Variants in SPMIP4 observed in about 807,000 individuals in gnomAD.
SPMIP4 encodes the protein sperm-associated microtubule inner protein 4.
the SPMIP4 span, among the ~76,000 whole-genome samples, chr7:25,175,604 T>C: frequency 5.9e-5 from 9 of 152,172 alleles, no homozygotes; most frequent in Admixed American, 5.9e-4. Context: ...AAAAAGGGTG[T>C]CCCTTTAAGT....
chr7:25,136,286 G>C, the SPMIP4 span: 2 of 1,614,058 alleles, frequency 1.2e-6, no homozygotes, highest in East Asian at 2.2e-5. This position sits in a 1 kb window ranked among gnomAD's most constrained non-coding sequence, Gnocchi z 5.7. Flanking sequence ...AAAACACTAG[G>C]TTTACTAAGG....
the SPMIP4 span, chr7:25,135,763 C>A: frequency 8.1e-7 from 1 of 1,239,986 alleles, no homozygotes; most frequent in South Asian, 3.3e-5. Context: ...ATTTTATTGC[C>A]AAATTGTTAA....
the SPMIP4 span, among the ~76,000 whole-genome samples, chr7:25,155,650 T>C: frequency 6.6e-6 from 1 of 152,202 alleles, no homozygotes; most frequent in Admixed American, 6.5e-5. Context: ...AGGCCATCTG[T>C]TTCTTTAAGC....
chr7:25,169,090 T>C, the SPMIP4 span, among the ~76,000 whole-genome samples: 1 of 152,042 alleles, frequency 6.6e-6, no homozygotes, highest in African/African-American at 2.4e-5. Context: ...AATTCATCGA[T>C]TTAAAGTGTA....
At chr7:25,147,603 C>T in the SPMIP4 span, among the ~76,000 whole-genome samples, 4 of 152,088 alleles carry the variant, frequency 2.6e-5, no homozygotes, top group Non-Finnish European at 4.4e-5. Flanking sequence ...GAGGGAAAAA[C>T]GACATTTAAC....
chr7:25,137,308 T>C, the SPMIP4 span, among the ~76,000 whole-genome samples: 1 of 137,342 alleles, frequency 7.3e-6, no homozygotes, highest in Non-Finnish European at 1.5e-5. Flanking sequence ...TTTCTTTTTT[T>C]TTTTTTTTTT....
At chr7:25,159,277 T>C in the SPMIP4 span, among the ~76,000 whole-genome samples, 1 of 152,204 alleles carries the variant, frequency 6.6e-6, no homozygotes, top group Non-Finnish European at 1.5e-5. Flanking sequence ...TGATCTCTCA[T>C]GATAGTAAAT....
the SPMIP4 span, among the ~76,000 whole-genome samples, chr7:25,170,244 G>C: frequency 6.6e-6 from 1 of 152,150 alleles, no homozygotes; most frequent in Non-Finnish European, 1.5e-5. Flanking sequence ...CATTCTAGTG[G>C]ATGTGAAGTG....
chr7:25,145,700 A>T, the SPMIP4 span, among the ~76,000 whole-genome samples: 1 of 152,248 alleles, frequency 6.6e-6, no homozygotes, highest in Admixed American at 6.5e-5. Flanking sequence ...TTTGGAATAT[A>T]TTCTCAGAGG....
chr7:25,153,894 G>A, the SPMIP4 span, among the ~76,000 whole-genome samples: 4 of 152,342 alleles, frequency 2.6e-5, no homozygotes, highest in African/African-American at 9.6e-5. Flanking sequence ...GAGAGGCAAT[G>A]GGAAAGTTCA....
At chr7:25,161,193 A>G in the SPMIP4 span, 1 of 1,539,860 alleles carries the variant, frequency 6.5e-7, no homozygotes. Context: ...ACTTACAAAG[A>G]ATCATTTCCA....
chr7:25,147,731 A>G, the SPMIP4 span, among the ~76,000 whole-genome samples: 2 of 152,234 alleles, frequency 1.3e-5, no homozygotes, highest in African/African-American at 4.8e-5. Flanking sequence ...AAAGTATTAT[A>G]ACCATTGTAA....
chr7:25,153,702 A>C, the SPMIP4 span, among the ~76,000 whole-genome samples: 809 of 152,392 alleles, frequency 5.3e-3, 4 homozygotes, highest in Non-Finnish European at 9.6e-3. Context: ...TTTACGTAAC[A>C]AAGTCATAAA....
At chr7:25,136,292 T>G in the SPMIP4 span, 1 of 1,614,208 alleles carries the variant, frequency 6.2e-7, no homozygotes, top group Non-Finnish European at 8.5e-7. This position sits in a 1 kb window ranked among gnomAD's most constrained non-coding sequence, Gnocchi z 5.7. Context: ...CTAGGTTTAC[T>G]AAGGCTAACA....
the SPMIP4 span, chr7:25,135,253 A>G: frequency 1.1e-6 from 1 of 898,050 alleles, no homozygotes; most frequent in Non-Finnish European, 1.3e-6. Context: ...AATTAAGGCC[A>G]TTGCTAGATC....
chr7:25,141,711 A>C, the SPMIP4 span, among the ~76,000 whole-genome samples: 1 of 25,332 alleles, frequency 3.9e-5, no homozygotes. Flanking sequence ...AAATCTGTTA[A>C]AAAAAAAAAA....
the SPMIP4 span, among the ~76,000 whole-genome samples, chr7:25,169,632 G>A: frequency 3.9e-5 from 6 of 152,012 alleles, no homozygotes; most frequent in African/African-American, 7.3e-5. Flanking sequence ...GTGCAATGGC[G>A]TGATCTTGGC....
chr7:25,166,036 A>T, the SPMIP4 span, among the ~76,000 whole-genome samples: 2 of 152,030 alleles, frequency 1.3e-5, no homozygotes, highest in African/African-American at 4.8e-5. Flanking sequence ...TGAGAACATG[A>T]GCTTCATGAG....
the SPMIP4 span, among the ~76,000 whole-genome samples, chr7:25,157,150 G>C: frequency 1.3e-5 from 2 of 152,182 alleles, no homozygotes; most frequent in Admixed American, 1.3e-4. Flanking sequence ...GCCAATCTTA[G>C]TAACAAAAGA....
Sources: gnomAD v4.1 joint callset for allele counts (sites outside exome capture counted in the v4.1 genomes callset) on GRCh38, gnomAD v4.1.1 for gene constraint, Gnocchi (gnomAD v3.1) non-coding constraint, MANE v1.5 for transcripts, NCBI Gene and HGNC (gene_info 2026-07-23, HGNC 2026-07-21) for gene names.